Variants in LYST observed in about 807,000 individuals in gnomAD.
LYST encodes lysosomal trafficking regulator, also known as lysosomal-trafficking regulator.
A neutral mutation model predicts 413.6 loss-of-function variants in LYST; 192 were observed. That is an observed-to-expected ratio of 0.46 (90% CI 0.41 to 0.52). LYST has a LOEUF of 0.52. Ranked by LOEUF, LYST falls within the 20% of genes least tolerant of loss-of-function variation. The probability of loss-of-function intolerance (pLI) is 0.00; values close to 1 mark genes in which losing one functional copy is unlikely to be tolerated. For missense variants in LYST, 3,815 were observed against 4,499.9 expected, an observed-to-expected ratio of 0.85 and a Z score of 4.35; for synonymous variants, 1,525 against 1,567.3, an observed-to-expected ratio of 0.97 and a Z score of 0.64.
intron 3 of LYST, among the ~76,000 whole-genome samples, chr1:235,814,887 A>T (rs765027901): frequency 6.6e-6 from 1 of 152,140 alleles, no homozygotes; most frequent in Non-Finnish European, 1.5e-5. Flanking sequence ...GCCACACATG[A>T]GCCCTCCGCA....
In LYST at chr1:235,808,885, C is replaced by A; in HGVS notation, c.1933G>T (p.Asp645Tyr). Residue 645 changes from aspartate (D) to tyrosine (Y), a missense_variant, in exon 5 of 53, where the codon GAC (aspartate) becomes TAC (tyrosine). Around this residue, in one of 4 missense-constraint regions of LYST, gnomAD observed 1,648 missense variants for 1,810.3 expected, o/e 0.91. Coordinates refer to ENST00000389793, the MANE Select transcript of LYST (RefSeq NM_000081.4). ...GTCTCTTCTAATTGGGCTAGTTGGT[C>A]AGAGTCAACAGTACAAATATTACAA... ...AACNICTVDS[D>Y]QLAQLEETLQ... 1 of 1,613,832 alleles carries A rather than the reference C, an allele frequency of 6.2e-7. No individual in the cohort carries two copies. Among genetic ancestry groups the A allele is most frequent in the East Asian group, 2.2e-5 (1 of 44,856 alleles).
intron 27 of LYST, 90 bp downstream of exon 27, chr1:235,751,915 A>G: frequency 1.1e-6 from 1 of 909,476 alleles, no homozygotes; most frequent in Non-Finnish European, 1.7e-6. Flanking sequence ...TTTTAGTAAA[A>G]GAGTTTCTAA....
rs1293872624 is a variant in LYST, at chr1:235,777,311, G to A, written c.5215-3C>T. 6.2e-7 allele frequency: 1 copy of A among 1,611,024 alleles called. No individual in the cohort carries two copies. The highest frequency in any genetic ancestry group is 1.1e-5 in the South Asian group (1 of 90,970). On this transcript the variant is annotated splice_region_variant and splice_polypyrimidine_tract_variant and intron_variant, in intron 16 of 52. Transcript: ENST00000389793. The stretch of plus-strand genomic sequence containing the variant: ...GTATAAACAACTGAAAGACTTTCCT[G>A]AAATACAAATATTTTCATTCAGTAA...
At chr1:235,824,522 T>C (rs550371758) in intron 3 of LYST, among the ~76,000 whole-genome samples, 38 of 152,272 alleles carry the variant, frequency 2.5e-4, no homozygotes, top group African/African-American at 8.7e-4. Flanking sequence ...AAGTCACTCA[T>C]CTAGTTGATA....
intron 1 of LYST, among the ~76,000 whole-genome samples, chr1:235,841,923 T>C (rs771729441): frequency 1.4e-4 from 22 of 152,102 alleles, no homozygotes; most frequent in Admixed American, 3.9e-4. Context: ...ATTGGAAGAA[T>C]AGTCAAATGG....
chr1:235,685,262 A>G (rs1311660231), intron 48 of LYST, among the ~76,000 whole-genome samples: 3 of 150,316 alleles, frequency 2.0e-5, no homozygotes, highest in African/African-American at 7.4e-5. Context: ...TAGAGCATAC[A>G]CTCCACTGTT....
intron 1 of LYST, among the ~76,000 whole-genome samples, chr1:235,876,278 A>T (rs1681134698): frequency 6.6e-6 from 1 of 152,158 alleles, no homozygotes; most frequent in East Asian, 1.9e-4. Context: ...AGAACATCCC[A>T]CATGGCCAAA....
At chr1:235,678,615 T>G (rs1287676820) in intron 48 of LYST, among the ~76,000 whole-genome samples, 1 of 152,202 alleles carries the variant, frequency 6.6e-6, no homozygotes, top group Non-Finnish European at 1.5e-5. Context: ...AATAAAGAGC[T>G]ATATACTGAC....
Position 235,809,932 on chromosome 1 carries a change from A to G in LYST, c.886T>C (p.Phe296Leu), listed in dbSNP as rs1673279679. ...TCGCTCAGACTGCAGCAGTCCCCAA[A>G]GCCTGCTAGGAATTCAGTTAGTGTG... ...VPTLTEFLAG[F>L]GDCCSLSDNL... The change falls in exon 5 of 53, where the codon TTT becomes CTT. Residue 296 changes from phenylalanine (F) to leucine (L), a missense_variant. By Grantham distance (22) the Phe-to-Leu change is conservative (BLOSUM62 0). Transcript: ENST00000389793. The surrounding 1 kb of genome is among the most constrained non-coding windows in gnomAD (Gnocchi z 4.0). The G allele has an allele frequency of 6.2e-7, 1 of 1,613,850 alleles. No individual in the cohort carries two copies. The highest frequency in any genetic ancestry group is 1.3e-5 in the African/African-American group (1 of 74,928).
At chr1:235,666,590 G>GCACACA (rs1214218772) in intron 50 of LYST, among the ~76,000 whole-genome samples, 12 of 74,582 alleles carry the variant, frequency 1.6e-4, no homozygotes, top group Admixed American at 2.5e-4. Context: ...AGACACACAT[G>GCACACA]CACACACACA....
At chr1:235,669,255 C>T (rs11810173) in intron 50 of LYST, among the ~76,000 whole-genome samples, 16,538 of 152,208 alleles carry the variant, frequency 0.11, 1,003 homozygotes, top group Middle Eastern at 0.18. Flanking sequence ...AGATACCCCC[C>T]AACTCTCATG....
At chr1:235,733,943 T>A (rs764146629) in intron 32 of LYST, 37 bp from the exon 33 acceptor site, 1 of 1,041,618 alleles carries the variant, frequency 9.6e-7, no homozygotes, top group African/African-American at 1.6e-5. Context: ...ATATAAAATT[T>A]ATTATTTCTC....
chr1:235,680,878 C>T (rs998008178), intron 48 of LYST, among the ~76,000 whole-genome samples: 7 of 152,160 alleles, frequency 4.6e-5, no homozygotes, highest in Admixed American at 3.9e-4. Flanking sequence ...GGATTACAGG[C>T]GTGAGCCACC....
chr1:235,807,525 A>T (rs1357051102), intron 5 of LYST, among the ~76,000 whole-genome samples: 1 of 152,182 alleles, frequency 6.6e-6, no homozygotes, highest in Admixed American at 6.5e-5. Context: ...TGTCAGAAAA[A>T]TTTTTAAATG....
chr1:235,694,171 G>A (rs1195285132), intron 46 of LYST, among the ~76,000 whole-genome samples: 3 of 151,734 alleles, frequency 2.0e-5, no homozygotes, highest in South Asian at 2.1e-4. Context: ...CACCATGCCC[G>A]GCTGATTTTT....
chr1:235,785,584 C>T (rs1226456140), intron 14 of LYST, among the ~76,000 whole-genome samples: 1 of 152,116 alleles, frequency 6.6e-6, no homozygotes, highest in Non-Finnish European at 1.5e-5. Context: ...TATAAAGCAC[C>T]TAGCAAAAGG....
chr1:235,826,001 T>C (rs575723800), intron 3 of LYST, among the ~76,000 whole-genome samples: 1 of 152,194 alleles, frequency 6.6e-6, no homozygotes, highest in Non-Finnish European at 1.5e-5. Context: ...TGGAACACAA[T>C]GCAGTCTAGA....
At chr1:235,792,207 A>G (rs1671079319) in intron 11 of LYST, 82 bp from the exon 12 acceptor site, 1 of 873,442 alleles carries the variant, frequency 1.1e-6, no homozygotes, top group African/African-American at 1.7e-5. Flanking sequence ...TTATAAATGA[A>G]AATACAAACA....
rs747718989 is a variant in LYST at position 235,810,381 on chromosome 1, TGTC to T, written c.434_436del (p.Arg145del). On this transcript the variant is annotated inframe_deletion, in exon 5 of 53. Transcript: ENST00000389793. ...AGAATAGCGATGGGTAATTTTACGC[TGTC>T]GTCTGCTTTTTCGAAAAACATTTAC... 1.9e-6 allele frequency: 3 copies of T among 1,613,052 alleles called. No individual in the cohort carries two copies. Among genetic ancestry groups the T allele is most frequent in the Non-Finnish European group, 2.5e-6 (3 of 1,179,580 alleles).
Sources: allele counts gnomAD v4.1 joint callset (sites outside exome capture counted in the v4.1 genomes callset), GRCh38; gene constraint gnomAD v4.1.1; regional missense constraint gnomAD v4.1.1; non-coding constraint Gnocchi (gnomAD v3.1); transcripts MANE v1.5; gene names NCBI Gene and HGNC (gene_info 2026-07-23, HGNC 2026-07-21).